The following EXOC6B variants were observed in gnomAD, a reference collection of about 807,000 sequenced individuals.
EXOC6B encodes SEC15 homolog B.
In EXOC6B, 54 loss-of-function variants were observed where a neutral mutation model predicts 113.5. That is an observed-to-expected ratio of 0.48 (90% CI 0.38 to 0.60). The LOEUF is 0.60. EXOC6B is among the 20% of genes least tolerant of loss of function. The pLI is 0.00. For missense variants in EXOC6B, 797 were observed against 977.5 expected, an observed-to-expected ratio of 0.82 and a Z score of 2.46; for synonymous variants, 357 against 339.0, an observed-to-expected ratio of 1.05 and a Z score of -0.58.
At chr2:72,384,937 C>G (rs537720226) in intron 18 of EXOC6B, among the ~76,000 whole-genome samples, 2 of 152,172 alleles carry the variant, frequency 1.3e-5, no homozygotes, top group Non-Finnish European at 2.9e-5. Flanking sequence ...CCATTCTACC[C>G]AAAGTGATCT....
At chr2:72,608,515 G>A (rs1462988815) in intron 6 of EXOC6B, among the ~76,000 whole-genome samples, 1 of 151,948 alleles carries the variant, frequency 6.6e-6, no homozygotes, top group Admixed American at 6.6e-5. Flanking sequence ...CCCCAAAATA[G>A]TCAAATATGC....
intron 6 of EXOC6B, among the ~76,000 whole-genome samples, chr2:72,579,127 A>G (rs990113981): frequency 3.9e-5 from 6 of 152,180 alleles, no homozygotes; most frequent in African/African-American, 1.4e-4. Context: ...GATTACAAGA[A>G]GCAAAAGTAA....
chr2:72,770,450 G>A (rs955746958), intron 1 of EXOC6B, among the ~76,000 whole-genome samples: 19 of 152,148 alleles, frequency 1.2e-4, no homozygotes, highest in Non-Finnish European at 2.4e-4. Flanking sequence ...CACATATTAT[G>A]TAACATCCCA....
intron 6 of EXOC6B, among the ~76,000 whole-genome samples, chr2:72,663,503 C>T (rs777709881): frequency 7.2e-5 from 11 of 152,088 alleles, no homozygotes; most frequent in South Asian, 4.1e-4. Flanking sequence ...AAATAATATA[C>T]GGGTCAAAGT....
At chr2:72,211,487 C>A (rs1162257832) in intron 20 of EXOC6B, among the ~76,000 whole-genome samples, 1 of 152,156 alleles carries the variant, frequency 6.6e-6, no homozygotes, top group East Asian at 1.9e-4. Flanking sequence ...ACTCACTCAC[C>A]ATTTAATGAA....
At chr2:72,714,685 A>C (rs1679491809) in intron 6 of EXOC6B, among the ~76,000 whole-genome samples, 1 of 152,198 alleles carries the variant, frequency 6.6e-6, no homozygotes, top group Non-Finnish European at 1.5e-5. Context: ...CTCAACTCTA[A>C]GGCAGAGATC....
At chr2:72,440,836 A>G (rs929257016) in intron 18 of EXOC6B, among the ~76,000 whole-genome samples, 2 of 152,188 alleles carry the variant, frequency 1.3e-5, no homozygotes, top group South Asian at 2.1e-4. Flanking sequence ...ATGGAGGAAA[A>G]TCTACGAAGC....
chr2:72,193,676 G>A (rs1440280518), intron 20 of EXOC6B, among the ~76,000 whole-genome samples: 1 of 152,198 alleles, frequency 6.6e-6, no homozygotes, highest in Non-Finnish European at 1.5e-5. Context: ...CTAAGCCTGA[G>A]CCAGGTAGGT....
chr2:72,268,381 G>A (rs1416824106), intron 20 of EXOC6B, among the ~76,000 whole-genome samples: 1 of 152,058 alleles, frequency 6.6e-6, no homozygotes, highest in Non-Finnish European at 1.5e-5. Context: ...CAAAGTGTTT[G>A]GGTTACAGGT....
intron 18 of EXOC6B, among the ~76,000 whole-genome samples, chr2:72,454,669 T>C (rs1231867945): frequency 2.0e-5 from 3 of 152,146 alleles, no homozygotes; most frequent in Admixed American, 6.5e-5. Flanking sequence ...GAACCAAACA[T>C]ACTTAAGCTT....
intron 20 of EXOC6B, among the ~76,000 whole-genome samples, chr2:72,194,652 CA>C (rs1351706163): frequency 1.3e-5 from 2 of 151,944 alleles, no homozygotes; most frequent in African/African-American, 4.8e-5. Context: ...AGCTGTTTCA[CA>C]CCTAGAAAGC....
chr2:72,785,699 C>A (rs1684337333), intron 1 of EXOC6B, among the ~76,000 whole-genome samples: 1 of 152,244 alleles, frequency 6.6e-6, no homozygotes, highest in African/African-American at 2.4e-5. Flanking sequence ...AGCAGGGACC[C>A]TGGGCTTGGC....
At chr2:72,603,799 T>C (rs1424200073) in intron 6 of EXOC6B, among the ~76,000 whole-genome samples, 1 of 152,196 alleles carries the variant, frequency 6.6e-6, no homozygotes, top group Admixed American at 6.5e-5. Flanking sequence ...CAGTCAGCCA[T>C]GAAGGGCACT....
chr2:72,407,917 G>T (rs1269281690), intron 18 of EXOC6B, among the ~76,000 whole-genome samples: 2 of 152,184 alleles, frequency 1.3e-5, no homozygotes, highest in Non-Finnish European at 2.9e-5. Context: ...AAAAGAGGAA[G>T]TCAAATTGTC....
At chr2:72,368,531 T>G (rs373100654) in intron 19 of EXOC6B, among the ~76,000 whole-genome samples, 1 of 152,220 alleles carries the variant, frequency 6.6e-6, no homozygotes, top group African/African-American at 2.4e-5. Flanking sequence ...AGCATCATCC[T>G]GATACTAAAG....
chr2:72,711,520 T>G (rs1183075305), intron 6 of EXOC6B, among the ~76,000 whole-genome samples: 1 of 152,164 alleles, frequency 6.6e-6, no homozygotes, highest in Non-Finnish European at 1.5e-5. Context: ...ATGTTCCAAG[T>G]TCCCCCATAT....
chr2:72,189,084 C>A (rs539956619), intron 20 of EXOC6B, among the ~76,000 whole-genome samples: 1 of 152,270 alleles, frequency 6.6e-6, no homozygotes, highest in East Asian at 1.9e-4. Flanking sequence ...TTGATATGAT[C>A]CATATTCAAT....
At chr2:72,802,821 A>G (rs1685367495) in intron 1 of EXOC6B, among the ~76,000 whole-genome samples, 1 of 152,328 alleles carries the variant, frequency 6.6e-6, no homozygotes, top group South Asian at 2.1e-4. Context: ...TACCTGAACC[A>G]GTAACATGAG....
At chr2:72,508,712 C>T (rs1275801473) in intron 11 of EXOC6B, among the ~76,000 whole-genome samples, 7 of 151,782 alleles carry the variant, frequency 4.6e-5, no homozygotes, top group South Asian at 2.1e-4. Flanking sequence ...AGGCAGAGGT[C>T]GCAGTGAGCT....
Sources: allele counts gnomAD v4.1 joint callset (sites outside exome capture counted in the v4.1 genomes callset), GRCh38; gene constraint gnomAD v4.1.1; transcripts MANE v1.5; gene names NCBI Gene and HGNC (gene_info 2026-07-23, HGNC 2026-07-21).